The following CDH19 variants were observed in gnomAD, a reference collection of about 807,000 sequenced individuals.
CDH19 encodes cadherin-19.
A neutral mutation model predicts 64.2 loss-of-function variants in CDH19; 67 were observed. The observed-to-expected ratio is 1.04, with a 90% CI of 0.86 to 1.28. The LOEUF is 1.28. Ranked by LOEUF, CDH19 falls within the 50% of genes most tolerant of loss-of-function variation. CDH19 has a pLI of 0.00. For missense variants in CDH19, 1,030 were observed against 929.0 expected, an observed-to-expected ratio of 1.11 and a Z score of -1.41; for synonymous variants, 346 against 319.3, an observed-to-expected ratio of 1.08 and a Z score of -0.89.
At chr18:66,549,893 T>C (rs1156898987) in intron 5 of CDH19, among the ~76,000 whole-genome samples, 1 of 152,030 alleles carries the variant, frequency 6.6e-6, no homozygotes, top group Non-Finnish European at 1.5e-5. Flanking sequence ...TGCTTATTCA[T>C]GGACTCAACT....
chr18:66,596,540 A>G (rs1341593305), intron 1 of CDH19, among the ~76,000 whole-genome samples: 2 of 152,026 alleles, frequency 1.3e-5, no homozygotes, highest in Non-Finnish European at 2.9e-5. Context: ...CAAGACCACA[A>G]TCCCACTCAA....
Position 66,509,158 on chromosome 18 carries a change from A to G in CDH19, c.1665T>C (p.Asn555=), listed in dbSNP as rs1026009837. ...VFYISILIAD[N]GIPSLTSTNT... is the part of the protein sequence containing the mutation. The stretch of plus-strand genomic sequence containing the variant: ...TTGTACTTGTAAGTGACGGGATTCC[A>G]TTGTCGGCAATTAAGATGGAGATGT... The change falls in exon 11 of 12, where the codon AAT becomes AAC. Residue 555 remains asparagine, a synonymous_variant. Transcript: ENST00000262150. 1 of 1,612,922 alleles carries G rather than the reference A, an allele frequency of 6.2e-7. No homozygotes were observed. The highest frequency in any genetic ancestry group is 8.5e-7 in the Non-Finnish European group (1 of 1,179,232).
chr18:66,601,263 CA>C (rs1167275001), intron 1 of CDH19, among the ~76,000 whole-genome samples: 1 of 151,614 alleles, frequency 6.6e-6, no homozygotes, highest in Non-Finnish European at 1.5e-5. Flanking sequence ...AACTTAAAGT[CA>C]AAAAAATAGC....
intron 1 of CDH19, among the ~76,000 whole-genome samples, chr18:66,583,140 T>A (rs1988474186): frequency 6.6e-6 from 1 of 152,108 alleles, no homozygotes; most frequent in Non-Finnish European, 1.5e-5. Context: ...CTTTGCAGTC[T>A]GATTTTTTAA....
rs1160185194 is a variant in CDH19 at position 66,545,860 on chromosome 18, T to C, written c.776-957A>G. ...TGAATGTAATATAAAAAACATTTTG[T>C]AGTCAAAGATGACCTAATTGATTTG... On this transcript the variant is annotated intron_variant, in intron 5 of 11. Transcript: ENST00000262150. 2.6e-5 allele frequency among the ~76,000 whole-genome samples: 4 copies of C among 152,066 alleles called. No individual in the cohort carries two copies. In the East Asian group the frequency reaches 7.7e-4, roughly 29 times the overall value.
chr18:66,540,702 A>C (rs1986854955), intron 7 of CDH19, among the ~76,000 whole-genome samples: 1 of 152,082 alleles, frequency 6.6e-6, no homozygotes, highest in African/African-American at 2.4e-5. Flanking sequence ...GATGCCTTAT[A>C]AGACCCACCT....
At chr18:66,548,007 A>T (rs1276744517) in intron 5 of CDH19, among the ~76,000 whole-genome samples, 1 of 147,682 alleles carries the variant, frequency 6.8e-6, no homozygotes, top group Non-Finnish European at 1.5e-5. Flanking sequence ...TTATATATGT[A>T]ATATATGTGC....
intron 9 of CDH19, among the ~76,000 whole-genome samples, chr18:66,527,045 A>ATGTG (rs1174272068): frequency 1.7e-5 from 2 of 117,638 alleles, no homozygotes; most frequent in African/African-American, 6.6e-5. Context: ...GTATATATAT[A>ATGTG]TATGTGTGTG....
intron 8 of CDH19, among the ~76,000 whole-genome samples, chr18:66,533,930 A>G (rs1986555158): frequency 6.6e-6 from 1 of 152,068 alleles, no homozygotes; most frequent in Non-Finnish European, 1.5e-5. Context: ...TTGGTTCAAT[A>G]TTGATTTCAC....
At chr18:66,602,135 C>A (rs1037645737) in intron 1 of CDH19, among the ~76,000 whole-genome samples, 1 of 151,938 alleles carries the variant, frequency 6.6e-6, no homozygotes, top group Non-Finnish European at 1.5e-5. Flanking sequence ...GCAATAAATT[C>A]TCATGTAAAG....
At chr18:66,569,298 T>G (rs1025021110) in intron 2 of CDH19, among the ~76,000 whole-genome samples, 7 of 151,686 alleles carry the variant, frequency 4.6e-5, no homozygotes. Flanking sequence ...GAAATACATA[T>G]TATTGATATG....
At position 66,508,873 on chromosome 18, in the gene CDH19, T is replaced by C. The variant is rs970272972; in HGVS notation, c.1828+122A>G. 75 of 1,044,730 alleles carry C rather than the reference T, an allele frequency of 7.2e-5. 1 individual carries two copies. Among genetic ancestry groups the C allele is most frequent in the South Asian group, 4.4e-4 (26 of 58,730 alleles). 64.7% of individuals were successfully genotyped at this position (1,044,730 alleles called of 1,614,324 possible). The stretch of plus-strand genomic sequence containing the variant: ...CACACAGACCCACATTATAATGCTA[T>C]AATAGAATTAACTATGTATTTATCA... On this transcript the variant is annotated intron_variant, in intron 11 of 11. Transcript: ENST00000262150.
intron 1 of CDH19, among the ~76,000 whole-genome samples, chr18:66,584,068 C>T (rs1943312): frequency 0.34 from 51,596 of 151,928 alleles, 9,584 homozygotes; most frequent in South Asian, 0.48. Context: ...AACAGGAAAA[C>T]TACAGAATGA....
intron 7 of CDH19, among the ~76,000 whole-genome samples, chr18:66,541,160 C>G (rs1022070944): frequency 6.6e-6 from 1 of 152,068 alleles, no homozygotes; most frequent in South Asian, 2.1e-4. Context: ...TTATTTACCC[C>G]ACCCAAGACG....
chr18:66,510,953 CA>C (rs757205903), intron 10 of CDH19, among the ~76,000 whole-genome samples: 87 of 151,678 alleles, frequency 5.7e-4, no homozygotes, highest in African/African-American at 1.9e-3. Flanking sequence ...CTTATTATGA[CA>C]AAAAGTATCT....
intron 10 of CDH19, among the ~76,000 whole-genome samples, chr18:66,510,218 T>C (rs1441140949): frequency 6.6e-6 from 1 of 151,720 alleles, no homozygotes; most frequent in African/African-American, 2.4e-5. Context: ...ATCACCTTTT[T>C]AAAGACAATT....
At position 66,501,131 on chromosome 18, in the gene CDH19, A is replaced by G. The variant is rs978732421; in HGVS notation, c.*3681T>C. Reference sequence around the variant, plus strand: ...TATTAATATTCTATAAAAATAGTCAATGGAAACCAAAAGAATTTCTACAAG... The same window carrying G: ...TATTAATATTCTATAAAAATAGTCAGTGGAAACCAAAAGAATTTCTACAAG... On this transcript the variant is annotated 3_prime_UTR_variant, in exon 12 of 12. Coordinates refer to ENST00000262150, the MANE Select transcript of CDH19 (RefSeq NM_021153.4). 3 of 152,166 alleles carry G rather than the reference A, an allele frequency of 2.0e-5. No homozygotes were observed. The highest frequency in any genetic ancestry group is 2.9e-5 in the Non-Finnish European group (2 of 68,030). 9.4% of individuals were successfully genotyped at this position (152,166 alleles called of 1,614,324 possible).
At chr18:66,548,869 G>A (rs1179842704) in intron 5 of CDH19, among the ~76,000 whole-genome samples, 2 of 152,144 alleles carry the variant, frequency 1.3e-5, no homozygotes, top group African/African-American at 4.8e-5. Context: ...TCTTGTTTTA[G>A]GATGTGAGAA....
chr18:66,564,788 A>G (rs1163053496), intron 3 of CDH19, among the ~76,000 whole-genome samples: 4 of 151,788 alleles, frequency 2.6e-5, no homozygotes, highest in East Asian at 1.9e-4. Context: ...GCTGATTTGC[A>G]GAAGATAAGT....
Sources: gnomAD v4.1 joint callset for allele counts (sites outside exome capture counted in the v4.1 genomes callset) on GRCh38, gnomAD v4.1.1 for gene constraint, MANE v1.5 for transcripts, NCBI Gene and HGNC (gene_info 2026-07-23, HGNC 2026-07-21) for gene names.